The following TEX15 variants were observed in gnomAD, a reference collection of about 807,000 sequenced individuals.
TEX15 encodes testis-expressed protein 15.
In TEX15, 171 loss-of-function variants were observed where a neutral mutation model predicts 237.3. That is an observed-to-expected ratio of 0.72 (90% CI 0.64 to 0.82). The LOEUF (loss-of-function observed/expected upper bound fraction) is 0.82, where lower values mean the gene tolerates loss of function less well. Among genes scored for constraint, TEX15 ranks in the 40% least tolerant of loss-of-function variants. TEX15 has a pLI of 0.00. For synonymous variants in TEX15, 1,338 were observed against 1,269.8 expected (o/e 1.05, Z -1.14); for missense variants, 3,750 against 3,646.5 (o/e 1.03, Z -0.73).
chr8:30,836,590 A>G (rs1807305416), intron 10 of TEX15, among the ~76,000 whole-genome samples: 1 of 152,194 alleles, frequency 6.6e-6, no homozygotes, highest in South Asian at 2.1e-4. Context: ...TGTCAAGGAC[A>G]TATTAGTGAT....
intron 5 of TEX15, among the ~76,000 whole-genome samples, chr8:30,863,212 C>T (rs940485279): frequency 6.6e-6 from 1 of 152,130 alleles, no homozygotes; most frequent in Non-Finnish European, 1.5e-5. Context: ...ATCTGAAACC[C>T]TAAATGCTCC....
Position 30,847,372 on chromosome 8 carries a change from A to G in TEX15, c.2795T>C (p.Val932Ala), listed in dbSNP as rs112793898. Reference protein sequence around the residue: ...FNLICREDNAVSAATALLESE... With the variant: ...FNLICREDNAASAATALLESE... ...CTCTAATAATGCAGTTGCTGCTGACACTGCATTATCTTCTCTGCAAATCAA... is the reference window on the plus strand; with the variant it reads ...CTCTAATAATGCAGTTGCTGCTGACGCTGCATTATCTTCTCTGCAAATCAA... Residue 932 changes from valine to alanine, a missense_variant, in exon 8 of 11, where the codon GTG (valine) becomes GCG (alanine). Coordinates refer to ENST00000643185, the MANE Select transcript of TEX15 (RefSeq NM_001350162.2). The G allele has an allele frequency of 1.9e-6, 3 of 1,613,596 alleles. No individual in the cohort carries two copies. The highest frequency in any genetic ancestry group is 1.3e-5 in the African/African-American group (1 of 74,924).
intron 9 of TEX15, among the ~76,000 whole-genome samples, chr8:30,838,678 C>T (rs1028002952): frequency 7.2e-6 from 1 of 139,616 alleles, no homozygotes; most frequent in Non-Finnish European, 1.5e-5. Flanking sequence ...AATATAGGTC[C>T]CTGAGGTAAT....
At chr8:30,858,639 A>C (rs758745112) in intron 7 of TEX15, 29 bp downstream of exon 7, 2 of 1,489,588 alleles carry the variant, frequency 1.3e-6, no homozygotes, top group South Asian at 2.5e-5. Context: ...CACAAATATT[A>C]ATCAAGTACA....
rs1288370098 is a variant in TEX15 at position 30,832,351 on chromosome 8, CTCTG to C, written c.*931_*934del. 2.0e-5 allele frequency: 3 copies of C among 152,210 alleles called. No homozygotes were observed. The allele number at this position is 152,210 out of a possible 1,614,324, so 9.4% of individuals were successfully genotyped here. On this transcript the variant is annotated 3_prime_UTR_variant, in exon 11 of 11. Transcript: ENST00000643185. ...AGAAAGGTCTATCCAGTTGTGAGGG[CTCTG>C]TCTGACTAGGATCTTACAGAAAACA...
intron 1 of TEX15, among the ~76,000 whole-genome samples, chr8:30,900,519 TGAAA>T (rs1808987473): frequency 6.6e-6 from 1 of 152,222 alleles, no homozygotes; most frequent in African/African-American, 2.4e-5. Context: ...TATAGTAAGT[TGAAA>T]GATAGTTTTT....
At chr8:30,866,031 A>G (rs1808155488) in intron 5 of TEX15, among the ~76,000 whole-genome samples, 1 of 152,158 alleles carries the variant, frequency 6.6e-6, no homozygotes, top group Admixed American at 6.6e-5. Flanking sequence ...ATGATCTTAT[A>G]TTTAGGAAAA....
chr8:30,847,916 C>G lies in TEX15; in HGVS notation c.2251G>C (p.Gly751Arg). Residue 751 changes from glycine to arginine, a missense_variant, in exon 8 of 11, where the codon GGG (glycine) becomes CGG (arginine). By Grantham distance (125) the Gly-to-Arg change is moderately radical (BLOSUM62 -2). Coordinates refer to ENST00000643185, the MANE Select transcript of TEX15 (RefSeq NM_001350162.2). The stretch of plus-strand genomic sequence containing the variant: ...CTAGCATAATTTTGATTTATTTTCC[C>G]CAATTTCAGTTCCATTAGCTTTTGA... ...IAQKLMELKL[G>R]KINQNYASII... 1 of 1,613,810 alleles carries G rather than the reference C, an allele frequency of 6.2e-7. No homozygotes were observed. The highest frequency in any genetic ancestry group is 8.5e-7 in the Non-Finnish European group (1 of 1,179,918).
chr8:30,887,899 TATATA>T, intron 2 of TEX15: 2 of 47,834 alleles, frequency 4.2e-5, no homozygotes, highest in Non-Finnish European at 6.9e-5. Context: ...CATATATATA[TATATA>T]TATATATATA....
chr8:30,859,115 ACTACT>A (rs1457202060), intron 6 of TEX15, among the ~76,000 whole-genome samples: 4 of 152,118 alleles, frequency 2.6e-5, no homozygotes, highest in Non-Finnish European at 5.9e-5. Flanking sequence ...TGAAGTTTCA[ACTACT>A]CTATTTTATT....
Position 30,867,279 on chromosome 8 carries a change from TA to T in TEX15, c.525del (p.Ser175ArgfsTer3). ...YSHSQSITVE[S>X]ILIFKVLFGK... ...ATGATACCTACCTTAAAAATTAAAATACTTTCTACAGTAATGCTTTGACTAT... is the reference window on the plus strand; with the variant it reads ...ATGATACCTACCTTAAAAATTAAAATCTTTCTACAGTAATGCTTTGACTAT... On this transcript the variant is annotated frameshift_variant, in exon 5 of 11. Transcript: ENST00000643185. LOFTEE classifies it high-confidence loss of function. 6.7e-7 allele frequency: 1 copy of T among 1,482,174 alleles called. No individual in the cohort carries two copies. The highest frequency in any genetic ancestry group is 9.1e-7 in the Non-Finnish European group (1 of 1,099,066). 91.8% of individuals were successfully genotyped at this position (1,482,174 alleles called of 1,614,324 possible).
At position 30,832,162 on chromosome 8, in the gene TEX15, T is replaced by A. The variant is rs1457199397; in HGVS notation, c.*1124A>T. On this transcript the variant is annotated 3_prime_UTR_variant, in exon 11 of 11. Transcript: ENST00000643185. Reference sequence around the variant, plus strand: ...CTTTCTAAATTGAAAAATTAGTTACTCTACATTAAACAAAGTAGAATTATA... The same window carrying A: ...CTTTCTAAATTGAAAAATTAGTTACACTACATTAAACAAAGTAGAATTATA... 6.6e-6 allele frequency: 1 copy of A among 152,224 alleles called. No individual in the cohort carries two copies. Among genetic ancestry groups the A allele is most frequent in the Non-Finnish European group, 1.5e-5 (1 of 68,042 alleles). 9.4% of individuals were successfully genotyped at this position (152,224 alleles called of 1,614,324 possible). A position where few individuals can be genotyped will look rare whatever the true frequency, so the allele number is the denominator to read the frequency against.
chr8:30,908,850 G>T (rs561570713), intron 1 of TEX15, among the ~76,000 whole-genome samples: 48 of 152,202 alleles, frequency 3.2e-4, no homozygotes, highest in Non-Finnish European at 6.0e-4. Flanking sequence ...TTTGCATACA[G>T]TTAGGGGCTT....
intron 10 of TEX15, among the ~76,000 whole-genome samples, chr8:30,836,379 A>C (rs1222929442): frequency 6.6e-6 from 1 of 151,564 alleles, no homozygotes; most frequent in East Asian, 1.9e-4. Flanking sequence ...ATGCCCAGCT[A>C]ATTTTTGTAT....
chr8:30,862,642 C>T (rs1432405403), intron 5 of TEX15, among the ~76,000 whole-genome samples: 2 of 152,100 alleles, frequency 1.3e-5, no homozygotes, highest in African/African-American at 4.8e-5. Context: ...AGGAGTTATG[C>T]CACATGAACC....
At position 30,848,651 on chromosome 8, in the gene TEX15, A is replaced by G; in HGVS notation, c.1516T>C (p.Ser506Pro). 1 of 1,614,208 alleles carries G rather than the reference A, an allele frequency of 6.2e-7. No homozygotes were observed. Among genetic ancestry groups the G allele is most frequent in the Non-Finnish European group, 8.5e-7 (1 of 1,180,030 alleles). Reference sequence around the variant, plus strand: ...CCCATGTTGTGAGCCCAAGATTGTGAATCATTAACAGAAGTTTTAAAGCAA... The same window carrying G: ...CCCATGTTGTGAGCCCAAGATTGTGGATCATTAACAGAAGTTTTAAAGCAA... The part of the protein sequence containing the change: ...TPCFKTSVND[S>P]QSWAHNMGSE... The change falls in exon 8 of 11, where the codon TCA (serine) becomes CCA (proline). Residue 506 changes from serine to proline, a missense_variant. Physicochemically the swap from Ser to Pro is moderately conservative, Grantham distance 74 (BLOSUM62 -1). Coordinates refer to ENST00000643185, the MANE Select transcript of TEX15 (RefSeq NM_001350162.2).
chr8:30,886,308 T>A lies in TEX15; in HGVS notation c.136+859A>T, dbSNP rs555033295. Among the ~76,000 whole-genome samples the A allele has an allele frequency of 1.5e-3, 230 of 152,302 alleles. 1 individual carries two copies. Among genetic ancestry groups the A allele is most frequent in the African/African-American group, 5.4e-3 (226 of 41,566 alleles). On this transcript the variant is annotated intron_variant, in intron 3 of 10. Transcript: ENST00000643185. ...GTTCTGGCTTTCCACAGGGCCTCCA[T>A]TTATACCCTGGGGAGTATCCCTGTT...
chr8:30,838,296 T>C (rs1807358360), intron 9 of TEX15, among the ~76,000 whole-genome samples: 1 of 152,156 alleles, frequency 6.6e-6, no homozygotes, highest in South Asian at 2.1e-4. Flanking sequence ...ATTTCCAATA[T>C]TGTAATAAAC....
chr8:30,878,344 A>C (rs1226883030), intron 3 of TEX15, among the ~76,000 whole-genome samples: 1 of 152,010 alleles, frequency 6.6e-6, no homozygotes, highest in African/African-American at 2.4e-5. Context: ...AAAATGCCCA[A>C]GGGAAGGACG....
Sources: gnomAD v4.1 joint callset for allele counts (sites outside exome capture counted in the v4.1 genomes callset) on GRCh38, gnomAD v4.1.1 for gene constraint, MANE v1.5 for transcripts, NCBI Gene and HGNC (gene_info 2026-07-23, HGNC 2026-07-21) for gene names.